Variants in NBEAL1 observed in about 807,000 individuals in gnomAD.
NBEAL1 encodes neurobeachin like 1.
In NBEAL1, 273 loss-of-function variants were observed where a neutral mutation model predicts 351.3. The observed-to-expected ratio is 0.78, with a 90% confidence interval of 0.70 to 0.86. The LOEUF (loss-of-function observed/expected upper bound fraction) is 0.86, where lower values mean the gene tolerates loss of function less well. NBEAL1 is among the 40% of genes least tolerant of loss of function. NBEAL1 has a pLI of 0.00. For synonymous variants in NBEAL1, 1,050 were observed against 1,086.4 expected (o/e 0.97, Z 0.66); for missense variants, 2,961 against 3,201.3 (o/e 0.92, Z 1.81).
At chr2:203,163,770 C>T (rs2064042029) in intron 36 of NBEAL1, among the ~76,000 whole-genome samples, 1 of 152,030 alleles carries the variant, frequency 6.6e-6, no homozygotes. Context: ...TTTAAATATA[C>T]CACAATTTCT....
At chr2:203,093,642 T>C (rs1380444670) in intron 10 of NBEAL1, among the ~76,000 whole-genome samples, 1 of 152,058 alleles carries the variant, frequency 6.6e-6, no homozygotes, top group Non-Finnish European at 1.5e-5. Context: ...TCACTTGAGG[T>C]CAGGAGTTTG....
intron 2 of NBEAL1, among the ~76,000 whole-genome samples, chr2:203,030,287 A>C (rs2060929952): frequency 6.6e-6 from 1 of 152,138 alleles, no homozygotes; most frequent in Non-Finnish European, 1.5e-5. Context: ...ACCAAATCTT[A>C]ATGAAAGCAG....
chr2:203,113,981 C>T (rs4675313), intron 17 of NBEAL1, among the ~76,000 whole-genome samples: 137,189 of 151,780 alleles, frequency 0.9, 62,629 homozygotes, highest in Non-Finnish European at 0.96. Context: ...GCCACCATGC[C>T]GGGCTAATTT....
intron 2 of NBEAL1, among the ~76,000 whole-genome samples, chr2:203,034,159 CTTTT>C (rs1166429847): frequency 2.2e-5 from 3 of 135,002 alleles, no homozygotes; most frequent in Non-Finnish European, 3.2e-5. Context: ...TTGGCCTGTA[CTTTT>C]TTTTTTTTTT....
intron 6 of NBEAL1, among the ~76,000 whole-genome samples, chr2:203,063,561 AGAAAG>A (rs1488894289): frequency 2.0e-5 from 3 of 151,950 alleles, no homozygotes; most frequent in South Asian, 2.1e-4. Context: ...TGAGAGAAGA[AGAAAG>A]GAAGAAAAGA....
chr2:203,093,321 T>C (rs2062107782), intron 10 of NBEAL1, among the ~76,000 whole-genome samples: 1 of 151,928 alleles, frequency 6.6e-6, no homozygotes, highest in African/African-American at 2.4e-5. Context: ...TTGTTAGCAT[T>C]GGTTTTTCTT....
In NBEAL1 at chr2:203,199,363, T is replaced by C. The variant is rs201103834; in HGVS notation, c.7154T>C (p.Ile2385Thr). 2.8e-4 allele frequency: 440 copies of C among 1,599,952 alleles called. No individual in the cohort carries two copies. Among genetic ancestry groups the C allele is most frequent in the Non-Finnish European group, 3.6e-4 (419 of 1,168,214 alleles). ...LLITISMNYVIGTHGWLPYDR... is the reference protein window; with the variant it reads ...LLITISMNYVTGTHGWLPYDR... ...ATAACAATAAGCATGAATTATGTTA[T>C]TGGAACCCATGGATGGTTGCCTTAT... is the stretch of plus-strand genomic sequence containing the variant. The change falls in exon 49 of 56, where the codon ATT becomes ACT. Residue 2385 changes from isoleucine to threonine, a missense_variant. By Grantham distance (89) the Ile-to-Thr change is moderately conservative. Coordinates refer to ENST00000683969, the MANE Select transcript of NBEAL1 (RefSeq NM_001378026.1).
chr2:203,066,318 T>G (rs1457742061), intron 6 of NBEAL1, among the ~76,000 whole-genome samples: 8 of 139,020 alleles, frequency 5.8e-5, no homozygotes, highest in African/African-American at 2.2e-4. Flanking sequence ...AAATTAAATT[T>G]TATCCTTTTT....
intron 2 of NBEAL1, among the ~76,000 whole-genome samples, chr2:203,030,440 A>C (rs1414249540): frequency 6.6e-6 from 1 of 152,160 alleles, no homozygotes; most frequent in Non-Finnish European, 1.5e-5. Context: ...AGATTCCCCC[A>C]GAGTAAGTGA....
intron 51 of NBEAL1, among the ~76,000 whole-genome samples, chr2:203,203,278 AT>A (rs2065452630): frequency 6.6e-6 from 1 of 150,526 alleles, no homozygotes; most frequent in Non-Finnish European, 1.5e-5. Flanking sequence ...TGTAACTGGG[AT>A]TACAGGCACG....
chr2:203,155,487 A>T (rs1190376482), intron 35 of NBEAL1, among the ~76,000 whole-genome samples: 1 of 151,900 alleles, frequency 6.6e-6, no homozygotes, highest in Non-Finnish European at 1.5e-5. Context: ...CCCAGGCTGG[A>T]GTGCAGTGGT....
At chr2:203,141,519 G>A (rs6736046) in intron 31 of NBEAL1, among the ~76,000 whole-genome samples, 137,938 of 150,244 alleles carry the variant, frequency 0.92, 63,672 homozygotes, top group Non-Finnish European at 0.96. Context: ...AGTCGTTGGG[G>A]CTACAGGCGT....
intron 48 of NBEAL1, 82 bp downstream of exon 48, chr2:203,197,473 A>T (rs945173271): frequency 1.3e-5 from 14 of 1,037,342 alleles, no homozygotes; most frequent in Non-Finnish European, 1.9e-5. Flanking sequence ...AATATTTTTT[A>T]AAAGCCACTT....
At chr2:203,137,531 C>CT (rs1265762547) in intron 29 of NBEAL1, among the ~76,000 whole-genome samples, 1 of 152,086 alleles carries the variant, frequency 6.6e-6, no homozygotes, top group African/African-American at 2.4e-5. Context: ...CAATTTCCAG[C>CT]TTTAAAGAAA....
chr2:203,036,713 T>C (rs1465196993), intron 2 of NBEAL1, among the ~76,000 whole-genome samples: 1 of 149,258 alleles, frequency 6.7e-6, no homozygotes, highest in African/African-American at 2.4e-5. Flanking sequence ...TTAAGTACTT[T>C]TTTTTCCCTT....
At position 203,201,639 on chromosome 2, in the gene NBEAL1, T is replaced by C; in HGVS notation, c.7335T>C (p.Ala2445=). ...ATGATGCAAAGTTGCTCTTCAGTGC[T>C]GGATACTGGGATAATAGCATTCAAG... ...VSHDAKLLFS[A]GYWDNSIQVM... is the part of the protein sequence containing the mutation. The change falls in exon 50 of 56, where the codon GCT becomes GCC. Residue 2445 remains alanine (A), a synonymous_variant. Transcript: ENST00000683969. 2 of 1,612,710 alleles carry C rather than the reference T, an allele frequency of 1.2e-6. No homozygotes were observed. The highest frequency in any genetic ancestry group is 1.7e-6 in the Non-Finnish European group (2 of 1,179,230).
At chr2:203,048,323 A>G (rs964528693) in intron 3 of NBEAL1, among the ~76,000 whole-genome samples, 23 of 149,414 alleles carry the variant, frequency 1.5e-4, no homozygotes, top group Non-Finnish European at 3.0e-4. Flanking sequence ...CGGAGGTTGC[A>G]GTGAGCTGAG....
At chr2:203,099,010 C>T (rs1290644871) in intron 11 of NBEAL1, among the ~76,000 whole-genome samples, 4 of 152,102 alleles carry the variant, frequency 2.6e-5, no homozygotes, top group African/African-American at 9.7e-5. Context: ...CATGGTGGCT[C>T]ACACCTGTAA....
chr2:203,066,786 G>A (rs190073571), intron 6 of NBEAL1, among the ~76,000 whole-genome samples: 468 of 141,012 alleles, frequency 3.3e-3, no homozygotes, highest in African/African-American at 0.012. Context: ...CGGGGCGGCC[G>A]GGCAGAGGTG....
Sources: allele counts gnomAD v4.1 joint callset (sites outside exome capture counted in the v4.1 genomes callset), GRCh38; gene constraint gnomAD v4.1.1; transcripts MANE v1.5; gene names NCBI Gene and HGNC (gene_info 2026-07-23, HGNC 2026-07-21).